AGO3: variants seen among roughly 807,000 people sequenced by gnomAD.
AGO3 encodes the protein argonaute RISC catalytic component 3, also known as protein argonaute-3.
AGO3 carries 16 observed loss-of-function variants against 105.5 expected under a neutral mutation model. That is an observed-to-expected ratio of 0.15 (90% CI 0.10 to 0.23). The LOEUF is 0.23. Ranked by LOEUF, AGO3 falls within the 10% of genes least tolerant of loss-of-function variation. The pLI is 1.00. For synonymous variants in AGO3, 340 were observed against 367.3 expected (o/e 0.93, Z 0.85); for missense variants, 534 against 1,088.0 (o/e 0.49, Z 7.16).
At chr1:35,949,671 G>C (rs559651040) in intron 2 of AGO3, among the ~76,000 whole-genome samples, 26 of 152,290 alleles carry the variant, frequency 1.7e-4, no homozygotes, top group African/African-American at 5.3e-4. Flanking sequence ...CCAGGCTCTG[G>C]AATGCAGTGG....
Position 36,009,059 on chromosome 1 carries a change from C to A in AGO3, c.1029+15C>A. 1 of 1,512,040 alleles carries A rather than the reference C, an allele frequency of 6.6e-7. No individual in the cohort carries two copies. Among genetic ancestry groups the A allele is most frequent in the Admixed American group, 2.5e-5 (1 of 40,406 alleles). The allele number at this position is 1,512,040 out of a possible 1,614,324, so 93.7% of individuals were successfully genotyped here. On this transcript the variant is annotated intron_variant, in intron 8 of 18. Coordinates refer to ENST00000373191, the MANE Select transcript of AGO3 (RefSeq NM_024852.4). ...TGCCACTAGAAGTAATGCCTTCACACTGCTAATTAATACCCTGTTGTTCAT... is the reference window on the plus strand; with the variant it reads ...TGCCACTAGAAGTAATGCCTTCACAATGCTAATTAATACCCTGTTGTTCAT...
chr1:35,970,777 T>C (rs1646853068), intron 3 of AGO3, among the ~76,000 whole-genome samples: 1 of 151,872 alleles, frequency 6.6e-6, no homozygotes, highest in Non-Finnish European at 1.5e-5. Context: ...TAACCCAGGC[T>C]GGAGTTCATT....
intron 5 of AGO3, among the ~76,000 whole-genome samples, chr1:35,995,001 C>A (rs1400987326): frequency 1.3e-5 from 2 of 151,702 alleles, no homozygotes; most frequent in African/African-American, 2.4e-5. Flanking sequence ...GAGTTTGCGA[C>A]CAGCCTGGGC....
intron 9 of AGO3, among the ~76,000 whole-genome samples, chr1:36,010,366 G>A (rs1019981596): frequency 2.6e-5 from 4 of 152,156 alleles, no homozygotes; most frequent in South Asian, 2.1e-4. Flanking sequence ...CAGTTTGGGA[G>A]GCCAAGGCGG....
At chr1:36,022,240 C>CT (rs897585606) in intron 11 of AGO3, among the ~76,000 whole-genome samples, 1 of 151,542 alleles carries the variant, frequency 6.6e-6, no homozygotes, top group Non-Finnish European at 1.5e-5. Context: ...AACTTTTTTT[C>CT]TTTTTTTGTA....
At chr1:35,935,773 A>G (rs1482529265) in intron 1 of AGO3, among the ~76,000 whole-genome samples, 1 of 152,228 alleles carries the variant, frequency 6.6e-6, no homozygotes, top group African/African-American at 2.4e-5. Flanking sequence ...ATCGGTTTCT[A>G]TATTCTTAAA....
intron 5 of AGO3, among the ~76,000 whole-genome samples, chr1:35,991,391 C>G (rs1057021048): frequency 6.6e-6 from 1 of 151,984 alleles, no homozygotes; most frequent in Non-Finnish European, 1.5e-5. Flanking sequence ...GAGTTATGCC[C>G]TTTGTGTTTG....
chr1:35,943,221 T>C (rs999404049), intron 1 of AGO3, among the ~76,000 whole-genome samples: 3 of 152,008 alleles, frequency 2.0e-5, no homozygotes, highest in African/African-American at 7.3e-5. Context: ...TTGGCCAGGC[T>C]ATTCTCGAAC....
rs1182456118 is a variant in AGO3 at position 36,056,854 on chromosome 1, G to A, written c.*1109G>A. 6.6e-6 allele frequency: 1 copy of A among 151,682 alleles called. No homozygotes were observed. The highest frequency in any genetic ancestry group is 1.5e-5 in the Non-Finnish European group (1 of 68,072). 9.4% of individuals were successfully genotyped at this position (151,682 alleles called of 1,614,324 possible). ...CCTCTCGGGTTCAAGCAATTCTCCT[G>A]CCTCAGCCTCCCGAGTAGCTGGGTT... is the stretch of plus-strand genomic sequence containing the variant. On this transcript the variant is annotated 3_prime_UTR_variant, in exon 19 of 19. Transcript: ENST00000373191.
intron 1 of AGO3, 120 bp downstream of exon 1, chr1:35,931,565 C>T (rs1262076861): frequency 2.0e-5 from 22 of 1,090,300 alleles, no homozygotes; most frequent in Middle Eastern, 2.8e-4. Flanking sequence ...ATCGCTCGGT[C>T]TCCCGCCCCT....
At chr1:36,028,392 C>G (rs1569858368) in intron 12 of AGO3, among the ~76,000 whole-genome samples, 1 of 46,374 alleles carries the variant, frequency 2.2e-5, no homozygotes, top group Non-Finnish European at 3.1e-5. Context: ...TGCTATCCCT[C>G]CCCCCCCCCC....
chr1:36,053,302 A>G (rs1323485989), intron 17 of AGO3, among the ~76,000 whole-genome samples: 2 of 150,462 alleles, frequency 1.3e-5, no homozygotes, highest in Admixed American at 1.3e-4. Flanking sequence ...ACTTTTTGAG[A>G]TGGAGTCTCG....
At chr1:35,932,375 A>G (rs1646067426) in intron 1 of AGO3, among the ~76,000 whole-genome samples, 1 of 152,208 alleles carries the variant, frequency 6.6e-6, no homozygotes, top group Non-Finnish European at 1.5e-5. Context: ...CTGTCTTGTT[A>G]CTAATGGTGT....
At position 35,931,372 on chromosome 1, in the gene AGO3, T is replaced by G. The variant is rs1006364662; in HGVS notation, c.-55T>G. On this transcript the variant is annotated 5_prime_UTR_variant, in exon 1 of 19. Transcript: ENST00000373191. ...CCGCGTCGCCCCCCGGGCCGCCTCCTTGCCGCCAGTGGCGGGCTCCGTTCT... is the reference window on the plus strand; with the variant it reads ...CCGCGTCGCCCCCCGGGCCGCCTCCGTGCCGCCAGTGGCGGGCTCCGTTCT... 7.1e-7 allele frequency: 1 copy of G among 1,412,308 alleles called. No homozygotes were observed. Among genetic ancestry groups the G allele is most frequent in the Admixed American group, 3.1e-5 (1 of 32,614 alleles). 87.5% of individuals were successfully genotyped at this position (1,412,308 alleles called of 1,614,324 possible).
At chr1:36,029,858 A>G (rs188931016) in intron 12 of AGO3, among the ~76,000 whole-genome samples, 2,343 of 150,824 alleles carry the variant, frequency 0.016, 51 homozygotes, top group African/African-American at 0.054. Flanking sequence ...ATGCCTGGCT[A>G]ATTTTTGTAT....
chr1:35,956,067 G>A (rs1026668870), intron 2 of AGO3, among the ~76,000 whole-genome samples: 1 of 152,078 alleles, frequency 6.6e-6, no homozygotes, highest in African/African-American at 2.4e-5. Flanking sequence ...ATATAAATAT[G>A]TCTAATTTTT....
chr1:36,024,232 A>G (rs1283243508), intron 11 of AGO3, among the ~76,000 whole-genome samples: 1 of 143,566 alleles, frequency 7.0e-6, no homozygotes, highest in East Asian at 2.0e-4. Context: ...TTAACTTCCC[A>G]GGCTCAAACG....
chr1:36,009,039 C>T lies in AGO3; in HGVS notation c.1024C>T (p.Leu342=). The change falls in exon 8 of 19, where the codon CTA becomes TTA. Residue 342 remains leucine, a synonymous_variant. Coordinates refer to ENST00000373191, the MANE Select transcript of AGO3 (RefSeq NM_024852.4). ...GGAACAGAAACACACCTACCTGCCA[C>T]TAGAAGTAATGCCTTCACACTGCTA... ...GQEQKHTYLP[L]EVCNIVAGQR... 6.5e-7 allele frequency: 1 copy of T among 1,547,132 alleles called. No individual in the cohort carries two copies. Among genetic ancestry groups the T allele is most frequent in the Non-Finnish European group, 8.6e-7 (1 of 1,159,068 alleles).
At chr1:35,932,224 G>T (rs1374639420) in intron 1 of AGO3, among the ~76,000 whole-genome samples, 2 of 152,158 alleles carry the variant, frequency 1.3e-5, no homozygotes, top group Non-Finnish European at 2.9e-5. Context: ...ATTGTTTATG[G>T]TTCTAAAGTA....
Sources: gnomAD v4.1 joint callset for allele counts (sites outside exome capture counted in the v4.1 genomes callset) on GRCh38, gnomAD v4.1.1 for gene constraint, MANE v1.5 for transcripts, NCBI Gene and HGNC (gene_info 2026-07-23, HGNC 2026-07-21) for gene names.